The following FKBP14 variants were observed in gnomAD, a reference collection of about 807,000 sequenced individuals.
The protein encoded by FKBP14 is FKBP prolyl isomerase 14, also known as peptidyl-prolyl cis-trans isomerase FKBP14.
Under a neutral mutation model 21.6 loss-of-function variants are expected in FKBP14, and 20 were observed. The ratio of observed to expected loss-of-function variants is 0.92; its 90% confidence interval spans 0.65 to 1.34. FKBP14 has a LOEUF of 1.34. FKBP14 is among the 40% of genes most tolerant of loss of function. The pLI, the probability that FKBP14 is intolerant of heterozygous loss-of-function variation, is 0.00. For missense variants in FKBP14, 253 were observed against 249.0 expected (o/e 1.02, Z -0.11); for synonymous variants, 79 against 86.7 (o/e 0.91, Z 0.49).
chr7:30,026,453 C>G lies in FKBP14; in HGVS notation c.56G>C (p.Gly19Ala), dbSNP rs1562840859. ...CACTTCTGGTTCAGGGATCAAAGCC[C>G]CAATCAAAGAAGTGACGAACAGAGT... The part of the protein sequence containing the change: ...VLTLFVTSLI[G>A]ALIPEPEVKI... The change falls in exon 1 of 4, where the codon GGG (glycine) becomes GCG (alanine). Residue 19 changes from glycine to alanine, a missense_variant. Coordinates refer to ENST00000222803, the MANE Select transcript of FKBP14 (RefSeq NM_017946.4). 2 of 1,613,992 alleles carry G rather than the reference C, an allele frequency of 1.2e-6. No homozygotes were observed. The highest frequency in any genetic ancestry group is 1.7e-6 in the Non-Finnish European group (2 of 1,179,934).
downstream of FKBP14, among the ~76,000 whole-genome samples, chr7:30,009,034 G>A (rs1162874145): frequency 6.6e-6 from 1 of 151,840 alleles, no homozygotes; most frequent in African/African-American, 2.4e-5. Context: ...CTTTTAAATG[G>A]GCATATGTGT....
At chr7:30,026,224 C>A in intron 1 of FKBP14, 88 bp downstream of exon 1, 1 of 1,293,584 alleles carries the variant, frequency 7.7e-7, no homozygotes, top group Non-Finnish European at 1.1e-6. Context: ...GAGGCAAAAC[C>A]AGGTACAGGC....
chr7:30,017,217 A>G (rs1789911501), intron 3 of FKBP14, among the ~76,000 whole-genome samples: 2 of 152,072 alleles, frequency 1.3e-5, no homozygotes, highest in African/African-American at 4.8e-5. Flanking sequence ...AATTAATAAA[A>G]CTGGATGTGG....
downstream of FKBP14, among the ~76,000 whole-genome samples, chr7:30,009,269 G>A (rs545065990): frequency 2.7e-5 from 4 of 145,618 alleles, no homozygotes; most frequent in Non-Finnish European, 4.5e-5. Flanking sequence ...ATCTTGCTCT[G>A]TCACTCAAGC....
At chr7:30,022,551 AC>A (rs1790061057) in intron 2 of FKBP14, 113 bp downstream of exon 2, 4 of 1,011,034 alleles carry the variant, frequency 4.0e-6, no homozygotes, top group African/African-American at 3.2e-5. Flanking sequence ...AGGAATACAT[AC>A]CCCCTATTAA....
At chr7:30,009,827 TAAAAAAAA>T (rs918480163), downstream of FKBP14, among the ~76,000 whole-genome samples, 2 of 102,380 alleles carry the variant, frequency 2.0e-5, no homozygotes, top group African/African-American at 3.6e-5. Flanking sequence ...CTGTCTCTAC[TAAAAAAAA>T]AAAAAAAAAA....
chr7:30,024,695 C>A (rs1298049568), intron 1 of FKBP14, among the ~76,000 whole-genome samples: 1 of 152,194 alleles, frequency 6.6e-6, no homozygotes, highest in Non-Finnish European at 1.5e-5. Flanking sequence ...CACGCCCAGC[C>A]AATTTGATGG....
chr7:30,009,013 G>C (rs1421017844), downstream of FKBP14, among the ~76,000 whole-genome samples: 1 of 151,826 alleles, frequency 6.6e-6, no homozygotes, highest in Non-Finnish European at 1.5e-5. Context: ...TAATAGTAAT[G>C]CATAGTAATG....
At position 30,014,812 on chromosome 7, in the gene FKBP14, T is replaced by C; in HGVS notation, c.559A>G (p.Ile187Val). Residue 187 changes from isoleucine (I) to valine (V), a missense_variant, in exon 4 of 4, where the codon ATT becomes GTT. Transcript: ENST00000222803. ...TTGTCTTCATCTTCTTTATCAAAAATATCCTCCACCAAAGCATCATGATGA... is the reference window on the plus strand; with the variant it reads ...TTGTCTTCATCTTCTTTATCAAAAACATCCTCCACCAAAGCATCATGATGA... ...ESHHDALVEDIFDKEDEDKDG... is the reference protein window; with the variant it reads ...ESHHDALVEDVFDKEDEDKDG... 6.2e-7 allele frequency: 1 copy of C among 1,611,528 alleles called. No homozygotes were observed. The highest frequency in any genetic ancestry group is 8.5e-7 in the Non-Finnish European group (1 of 1,179,260).
At chr7:30,008,746 G>A (rs1789658147), downstream of FKBP14, among the ~76,000 whole-genome samples, 1 of 151,958 alleles carries the variant, frequency 6.6e-6, no homozygotes, top group African/African-American at 2.4e-5. Context: ...GGAGGCCAAG[G>A]CAGGCCGATC....
chr7:30,007,774 C>A (rs570579104), downstream of FKBP14, among the ~76,000 whole-genome samples: 1 of 152,140 alleles, frequency 6.6e-6, no homozygotes, highest in Non-Finnish European at 1.5e-5. Context: ...TCAGGCCCAG[C>A]GTGATGGCTC....
intron 2 of FKBP14, 82 bp downstream of exon 2, chr7:30,022,583 G>T: frequency 1.4e-6 from 2 of 1,425,898 alleles, no homozygotes; most frequent in Non-Finnish European, 9.3e-7. Flanking sequence ...AAAAAAAAAA[G>T]TTATAGTGAC....
chr7:30,007,629 G>A (rs915897030), downstream of FKBP14, among the ~76,000 whole-genome samples: 2 of 152,160 alleles, frequency 1.3e-5, no homozygotes, highest in African/African-American at 4.8e-5. Flanking sequence ...ATACATAAAA[G>A]AATGTTCATA....
intron 2 of FKBP14, 120 bp from the exon 3 acceptor site, chr7:30,019,243 C>A: frequency 1.1e-6 from 1 of 909,504 alleles, no homozygotes. Context: ...CTAAGATTGT[C>A]ATATATGATG....
intron 1 of FKBP14, among the ~76,000 whole-genome samples, chr7:30,023,667 G>A (rs756294060): frequency 1.3e-5 from 2 of 152,158 alleles, no homozygotes; most frequent in South Asian, 2.1e-4. Flanking sequence ...ATGGACTCGC[G>A]GTTCCACATG....
At position 30,014,853 on chromosome 7, in the gene FKBP14, G is replaced by A. The variant is rs757164371; in HGVS notation, c.518C>T (p.Ala173Val). ...ATCATGATGACTTTCATTCACCACC[G>A]CACCATGTTTTTCAAACTCCTTCTT... ...YLKKEFEKHG[A>V]VVNESHHDAL... Residue 173 changes from alanine to valine, a missense_variant, in exon 4 of 4, where the codon GCG becomes GTG. Ala to Val is a moderately conservative substitution (Grantham distance 64, BLOSUM62 0). Transcript: ENST00000222803. 3.3e-5 allele frequency: 52 copies of A among 1,599,336 alleles called. No homozygotes were observed. Among genetic ancestry groups the A allele is most frequent in the African/African-American group, 4.1e-5 (3 of 73,982 alleles).
downstream of FKBP14, among the ~76,000 whole-genome samples, chr7:30,008,833 G>GGGCGTGGT (rs1789662430): frequency 6.6e-6 from 1 of 151,940 alleles, no homozygotes; most frequent in South Asian, 2.1e-4. Flanking sequence ...AAAATTAGCC[G>GGGCGTGGT]GGCGTGGTGG....
chr7:30,018,812 T>C (rs1462078305), intron 3 of FKBP14, among the ~76,000 whole-genome samples, 184 bp downstream of exon 3: 1 of 152,236 alleles, frequency 6.6e-6, no homozygotes, highest in African/African-American at 2.4e-5. Flanking sequence ...TGATTCACTA[T>C]GAAAAAGTCC....
intron 1 of FKBP14, 34 bp from the exon 2 acceptor site, chr7:30,022,850 A>G (rs1177712903): frequency 1.9e-6 from 3 of 1,577,772 alleles, no homozygotes; most frequent in East Asian, 2.3e-5. Flanking sequence ...AGAACTCCTT[A>G]TTAACTCTAA....
Sources: gnomAD v4.1 joint callset for allele counts (sites outside exome capture counted in the v4.1 genomes callset) on GRCh38, gnomAD v4.1.1 for gene constraint, MANE v1.5 for transcripts, NCBI Gene and HGNC (gene_info 2026-07-23, HGNC 2026-07-21) for gene names.